The following LHX4 variants were observed in gnomAD, a reference collection of about 807,000 sequenced individuals.
LHX4 encodes LIM/homeobox protein Lhx4.
LHX4 carries 16 observed loss-of-function variants against 39.2 expected under a neutral mutation model. The observed-to-expected ratio is 0.41, with a 90% CI of 0.28 to 0.62. LHX4 has a LOEUF of 0.62. LHX4 is among the 20% of genes least tolerant of loss of function. LHX4 has a pLI of 0.33. For synonymous variants in LHX4, 206 were observed against 198.1 expected (o/e 1.04, Z -0.33); for missense variants, 439 against 511.9 (o/e 0.86, Z 1.37).
chr1:180,273,873 C>T (rs1409178746), intron 5 of LHX4: 2 of 400,408 alleles, frequency 5.0e-6, no homozygotes, highest in African/African-American at 4.1e-5. Flanking sequence ...CAGCCTTAGG[C>T]ATTCATCCTC....
chr1:180,242,542 C>T (rs1664465895), intron 1 of LHX4, among the ~76,000 whole-genome samples: 1 of 151,806 alleles, frequency 6.6e-6, no homozygotes, highest in Non-Finnish European at 1.5e-5. Flanking sequence ...TATGTGAGTG[C>T]GTGTGAGGAT....
chr1:180,229,320 G>A (rs1391317833), upstream of LHX4, among the ~76,000 whole-genome samples: 1 of 152,180 alleles, frequency 6.6e-6, no homozygotes, highest in African/African-American at 2.4e-5. Flanking sequence ...CTGGTGGCAG[G>A]GCGGCCGGGG....
chr1:180,246,770 C>T (rs1171892086), intron 1 of LHX4, among the ~76,000 whole-genome samples: 6 of 152,212 alleles, frequency 3.9e-5, no homozygotes, highest in Admixed American at 2.0e-4. Context: ...TTTGGTTTTA[C>T]TGCTGTTGAC....
chr1:180,264,378 A>AACACACACACACACACACAT (rs1648227694), intron 2 of LHX4, among the ~76,000 whole-genome samples: 1 of 145,302 alleles, frequency 6.9e-6, no homozygotes, highest in Non-Finnish European at 1.5e-5. Flanking sequence ...ACACACACAT[A>AACACACACACACACACACAT]ACACACACAC....
chr1:180,237,286 G>T (rs1192583572), intron 1 of LHX4, among the ~76,000 whole-genome samples: 1 of 152,150 alleles, frequency 6.6e-6, no homozygotes, highest in African/African-American at 2.4e-5. Context: ...CTCTTTCTAG[G>T]CGCCCTGGGA....
Position 180,273,964 on chromosome 1 carries a change from TG to T in LHX4, c.779-218del, listed in dbSNP as rs1648855700. ...AACATTTGTCCATCCTTCTGGGACCTGGGAATTTAGTCTTTGCAGGTGTTTC... is the reference window on the plus strand; with the variant it reads ...AACATTTGTCCATCCTTCTGGGACCTGGAATTTAGTCTTTGCAGGTGTTTC... On this transcript the variant is annotated intron_variant, in intron 5 of 5. Transcript: ENST00000263726. 158 of 585,706 alleles carry T rather than the reference TG, an allele frequency of 2.7e-4. 1 individual carries two copies. The South Asian group carries it at 3.0e-3, about 11-fold the overall frequency. The allele number at this position is 585,706 out of a possible 1,614,324, so 36.3% of individuals were successfully genotyped here.
Position 180,234,169 on chromosome 1 carries a change from TTATATATATATATATATATATA to T in LHX4, c.76+3595_76+3616del, listed in dbSNP as rs777438399. On this transcript the variant is annotated intron_variant, in intron 1 of 5. Transcript: ENST00000263726. This position sits in a 1 kb window ranked among gnomAD's most constrained non-coding sequence, Gnocchi z 4.8. ...AACAGACACACACAACACACACAAA[TTATATATATATATATATATATA>T]TATATATATATATATATATATATAT... Among the ~76,000 whole-genome samples, 7,010 of 53,538 alleles carry T rather than the reference TTATATATATATATATATATATA, an allele frequency of 0.13. 514 individuals carry two copies. The highest frequency in any genetic ancestry group is 0.16 in the Non-Finnish European group (4,441 of 28,448). The allele number at this position is 53,538 out of a possible 152,430, so 35.1% of individuals were successfully genotyped here.
intron 4 of LHX4, 59 bp from the exon 5 acceptor site, chr1:180,271,776 G>T: frequency 6.3e-7 from 1 of 1,593,698 alleles, no homozygotes; most frequent in South Asian, 1.1e-5. Context: ...AGGGGGTCCT[G>T]GGGGCTTTGG....
At chr1:180,249,874 T>A (rs10655631) in intron 2 of LHX4, among the ~76,000 whole-genome samples, 48 of 107,666 alleles carry the variant, frequency 4.5e-4, no homozygotes, top group South Asian at 4.1e-3. Flanking sequence ...CCTACGTGTG[T>A]GTGCGTGTGT....
At chr1:180,248,778 AAAGAGTTG>A (rs1647485727) in intron 2 of LHX4, 1 of 400,450 alleles carries the variant, frequency 2.5e-6, no homozygotes, top group African/African-American at 2.1e-5. Context: ...AGAGCAACAG[AAAGAGTTG>A]CTCTTTCTGT....
At chr1:180,228,733 C>T (rs954845694), upstream of LHX4, among the ~76,000 whole-genome samples, 2 of 152,198 alleles carry the variant, frequency 1.3e-5, no homozygotes, top group Non-Finnish European at 2.9e-5. Flanking sequence ...GAGACAAATT[C>T]TAAGCAGCGC....
chr1:180,230,583 G>A lies in LHX4; in HGVS notation c.54G>A (p.Glu18=), dbSNP rs748307389. ...PAEGAVKGLP[E]MLGVPMQQIP... is the part of the protein sequence containing the mutation. ...AAGGGGCTGTCAAGGGGCTCCCGGA[G>A]ATGCTAGGTGTGCCGATGCAACGTA... Residue 18 remains glutamate (E), a synonymous_variant, in exon 1 of 6, where the codon GAG becomes GAA. Coordinates refer to ENST00000263726, the MANE Select transcript of LHX4 (RefSeq NM_033343.4). This position sits in a 1 kb window ranked among gnomAD's most constrained non-coding sequence, Gnocchi z 5.8. 8.7e-6 allele frequency: 14 copies of A among 1,613,942 alleles called. No individual in the cohort carries two copies. The South Asian group carries it at 1.5e-4, about 18-fold the overall frequency.
intron 2 of LHX4, among the ~76,000 whole-genome samples, chr1:180,249,280 A>G (rs1647506022): frequency 1.3e-5 from 2 of 152,234 alleles, no homozygotes. Context: ...GGTGGGGTTC[A>G]TCAAAAACTT....
rs1334838365 is a variant in LHX4 at position 180,234,255 on chromosome 1, C to T, written c.76+3650C>T. On this transcript the variant is annotated intron_variant, in intron 1 of 5. Transcript: ENST00000263726. The surrounding 1 kb of genome is among the most constrained non-coding windows in gnomAD (Gnocchi z 4.8). ...AGATTCTATCATATTCCGAACATTC[C>T]GATATAGCAGCTGTAGGCACCATAG... Among the ~76,000 whole-genome samples the T allele has an allele frequency of 7.5e-6, 1 of 133,994 alleles. No homozygotes were observed. The highest frequency in any genetic ancestry group is 2.7e-5 in the African/African-American group (1 of 36,450). The allele number at this position is 133,994 out of a possible 152,430, so 87.9% of individuals were successfully genotyped here.
intron 1 of LHX4, among the ~76,000 whole-genome samples, chr1:180,240,022 A>G (rs1476967186): frequency 6.6e-6 from 1 of 152,236 alleles, no homozygotes; most frequent in Non-Finnish European, 1.5e-5. Flanking sequence ...CCTGAGCATT[A>G]GGCTGTCAAG....
chr1:180,273,858 C>T (rs1648840753), intron 5 of LHX4: 1 of 359,822 alleles, frequency 2.8e-6, no homozygotes, highest in Non-Finnish European at 5.2e-6. Context: ...GACATCTGAC[C>T]CACCCAGCCT....
intron 1 of LHX4, among the ~76,000 whole-genome samples, chr1:180,231,989 C>T (rs11584346): frequency 0.35 from 53,382 of 151,936 alleles, 9,689 homozygotes; most frequent in Non-Finnish European, 0.4. Context: ...TGTCAACTGC[C>T]GGCAATCAGT....
At chr1:180,241,240 G>GC (rs1293564015) in intron 1 of LHX4, among the ~76,000 whole-genome samples, 2 of 152,190 alleles carry the variant, frequency 1.3e-5, no homozygotes, top group Non-Finnish European at 2.9e-5. Flanking sequence ...GAAAGACTGA[G>GC]CCCTTGTAAT....
At position 180,266,506 on chromosome 1, in the gene LHX4, C is replaced by T; in HGVS notation, c.363C>T (p.Asn121=). The change falls in exon 3 of 6, where the codon AAC becomes AAT. Residue 121 remains asparagine, a synonymous_variant. Coordinates refer to ENST00000263726, the MANE Select transcript of LHX4 (RefSeq NM_033343.4). The surrounding 1 kb of genome is among the most constrained non-coding windows in gnomAD (Gnocchi z 5.7). ...ACTGCTTTGCTTGCATCATCTGCAACCGGCAGCTGGCCACGGGGGACGAAT... is the reference window on the plus strand; with the variant it reads ...ACTGCTTTGCTTGCATCATCTGCAATCGGCAGCTGGCCACGGGGGACGAAT... ...HLHCFACIIC[N]RQLATGDEFY... is the part of the protein sequence containing the mutation. The T allele has an allele frequency of 6.2e-7, 1 of 1,614,242 alleles. No individual in the cohort carries two copies. Among genetic ancestry groups the T allele is most frequent in the Non-Finnish European group, 8.5e-7 (1 of 1,180,046 alleles).
Sources: allele counts gnomAD v4.1 joint callset (sites outside exome capture counted in the v4.1 genomes callset), GRCh38; gene constraint gnomAD v4.1.1; non-coding constraint Gnocchi (gnomAD v3.1); transcripts MANE v1.5; gene names NCBI Gene and HGNC (gene_info 2026-07-23, HGNC 2026-07-21).